The following OR4D10 variants were observed in gnomAD, a reference collection of about 807,000 sequenced individuals.
The protein encoded by OR4D10 is olfactory receptor 4D10.
For synonymous variants in OR4D10, 188 were observed against 153.2 expected (o/e 1.23, Z -1.68); for missense variants, 395 against 378.0 (o/e 1.04, Z -0.37).
intron 2 of OR4D10, among the ~76,000 whole-genome samples, chr11:59,474,892 TA>T (rs1858884636): frequency 1.7e-5 from 1 of 58,142 alleles, no homozygotes; most frequent in Non-Finnish European, 5.5e-5. Flanking sequence ...CCGTCTCTAC[TA>T]AAAATACAAA....
In OR4D10 at chr11:59,477,778, G is replaced by A; in HGVS notation, c.349G>A (p.Val117Met). Residue 117 changes from valine (V) to methionine (M), a missense_variant, in exon 3 of 3, where the codon GTG becomes ATG. By Grantham distance (21) the Val-to-Met change is conservative. Coordinates refer to ENST00000530162, the MANE Select transcript of OR4D10 (RefSeq NM_001004705.2). Reference sequence around the variant, plus strand: ...AGGGGTGGATGTATTTTCTCTTTCGGTGATGGCATTGGATCGATATGTGGC... The same window carrying A: ...AGGGGTGGATGTATTTTCTCTTTCGATGATGGCATTGGATCGATATGTGGC... ...IGGVDVFSLS[V>M]MALDRYVAIS... 1 of 1,613,956 alleles carries A rather than the reference G, an allele frequency of 6.2e-7. No homozygotes were observed. Among genetic ancestry groups the A allele is most frequent in the Non-Finnish European group, 8.5e-7 (1 of 1,180,006 alleles).
Position 59,478,328 on chromosome 11 carries a change from G to A in OR4D10, c.899G>A (p.Arg300Lys), listed in dbSNP as rs373793945. The change falls in exon 3 of 3, where the codon AGA becomes AAA. Residue 300 changes from arginine to lysine, a missense_variant. By Grantham distance (26) the Arg-to-Lys change is conservative. Transcript: ENST00000530162. ...RNHEMKSAMR[R>K]LKRRLVPSDR... ...CATGAGATGAAGTCAGCCATGAGGA[G>A]ACTGAAGAGAAGACTTGTGCCTTCT... is the stretch of plus-strand genomic sequence containing the variant. The A allele has an allele frequency of 8.1e-6, 13 of 1,609,808 alleles. No homozygotes were observed. The highest frequency in any genetic ancestry group is 6.7e-5 in the African/African-American group (5 of 74,808).
At chr11:59,475,667 T>C (rs1858897973) in intron 2 of OR4D10, among the ~76,000 whole-genome samples, 1 of 152,234 alleles carries the variant, frequency 6.6e-6, no homozygotes, top group Admixed American at 6.5e-5. Flanking sequence ...ACAAAATGTG[T>C]GCCGAAGGAC....
Position 59,478,020 on chromosome 11 carries a change from A to G in OR4D10, c.591A>G (p.Leu197=), listed in dbSNP as rs545695654. 5.6e-6 allele frequency: 9 copies of G among 1,614,068 alleles called. No homozygotes were observed. The African/African-American group carries it at 6.7e-5, about 12-fold the overall frequency. The part of the protein sequence containing the change: ...LAHTDIFILE[L]LMISNNGLLT... ...ATACAGACATTTTCATACTTGAACT[A>G]CTAATGATTTCCAACAATGGACTGC... Residue 197 remains leucine, a synonymous_variant, in exon 3 of 3, where the codon CTA becomes CTG. Coordinates refer to ENST00000530162, the MANE Select transcript of OR4D10 (RefSeq NM_001004705.2).
In OR4D10 at chr11:59,477,891, C is replaced by G. The variant is rs1197558490; in HGVS notation, c.462C>G (p.Val154=). The part of the protein sequence containing the change: ...LTVAAWLGGF[V]HSIVQISLLL... ...TGGCTGCCTGGTTGGGGGGCTTTGT[C>G]CACTCCATCGTGCAGATTTCCCTGT... Residue 154 remains valine (V), a synonymous_variant, in exon 3 of 3, where the codon GTC becomes GTG. Coordinates refer to ENST00000530162, the MANE Select transcript of OR4D10 (RefSeq NM_001004705.2). The G allele has an allele frequency of 4.3e-6, 7 of 1,613,938 alleles. No homozygotes were observed. The highest frequency in any genetic ancestry group is 5.1e-6 in the Non-Finnish European group (6 of 1,180,020).
At position 59,477,756 on chromosome 11, in the gene OR4D10, G is replaced by A. The variant is rs753403965; in HGVS notation, c.327G>A (p.Gly109=). The A allele has an allele frequency of 3.1e-6, 5 of 1,614,106 alleles. No individual in the cohort carries two copies. In the South Asian group the frequency reaches 5.5e-5, roughly 18 times the overall value. The change falls in exon 3 of 3, where the codon GGG becomes GGA. Residue 109 remains glycine (G), a synonymous_variant. Transcript: ENST00000530162. ...TQMFLFHLIG[G]VDVFSLSVMA... is the part of the protein sequence containing the mutation. ...TGTTTCTATTCCACCTTATTGGAGG[G>A]GTGGATGTATTTTCTCTTTCGGTGA...
chr11:59,475,337 A>G (rs1346864141), intron 2 of OR4D10, among the ~76,000 whole-genome samples: 1 of 152,076 alleles, frequency 6.6e-6, no homozygotes, highest in Non-Finnish European at 1.5e-5. Context: ...TCTCTGTATA[A>G]GCATGTCATC....
In OR4D10 at chr11:59,475,076, A is replaced by AAAAAAG. The variant is rs58045489; in HGVS notation, c.-169+1283_-169+1284insAAAAAG. Among the ~76,000 whole-genome samples the AAAAAAG allele has an allele frequency of 5.9e-5, 8 of 134,918 alleles. 1 individual carries two copies. Among genetic ancestry groups the AAAAAAG allele is most frequent in the Non-Finnish European group, 8.2e-5 (5 of 61,322 alleles). The allele number at this position is 134,918 out of a possible 152,430, so 88.5% of individuals were successfully genotyped here. On this transcript the variant is annotated intron_variant, in intron 2 of 2. Coordinates refer to ENST00000530162, the MANE Select transcript of OR4D10 (RefSeq NM_001004705.2). ...ACTCTGTCTCAAAAAAAAAAAAAAA[A>AAAAAAG]GGAAAAAGAAAAAAGAAATCAAAGG...
In OR4D10 at chr11:59,477,656, T is replaced by C; in HGVS notation, c.227T>C (p.Ile76Thr). 6.2e-7 allele frequency: 1 copy of C among 1,614,198 alleles called. No individual in the cohort carries two copies. The highest frequency in any genetic ancestry group is 8.5e-7 in the Non-Finnish European group (1 of 1,180,020). Reference protein sequence around the residue: ...LSIADICFSSITVPKVLVDLL... With the variant: ...LSIADICFSSTTVPKVLVDLL... ...ATTGCCGATATCTGCTTCTCTTCCA[T>C]CACAGTGCCCAAGGTTCTGGTGGAC... The change falls in exon 3 of 3, where the codon ATC becomes ACC. Residue 76 changes from isoleucine to threonine, a missense_variant. Transcript: ENST00000530162.
Position 59,478,297 on chromosome 11 carries a change from A to C in OR4D10, c.868A>C (p.Arg290=). Residue 290 remains arginine, a synonymous_variant, in exon 3 of 3, where the codon AGG becomes CGG. Coordinates refer to ENST00000530162, the MANE Select transcript of OR4D10 (RefSeq NM_001004705.2). ...GCTCAACCCCTTGATCTACACTCTG[A>C]GGAACCATGAGATGAAGTCAGCCAT... ...PLLNPLIYTL[R]NHEMKSAMRR... 4 of 1,614,052 alleles carry C rather than the reference A, an allele frequency of 2.5e-6. No individual in the cohort carries two copies. The highest frequency in any genetic ancestry group is 3.4e-6 in the Non-Finnish European group (4 of 1,179,970).
In OR4D10 at chr11:59,477,428, G is replaced by C. The variant is rs1157182475; in HGVS notation, c.-2G>C. The C allele has an allele frequency of 1.9e-6, 3 of 1,549,064 alleles. No homozygotes were observed. Among genetic ancestry groups the C allele is most frequent in the Non-Finnish European group, 2.6e-6 (3 of 1,149,064 alleles). On this transcript the variant is annotated 5_prime_UTR_variant, in exon 3 of 3. It removes the in-frame stop codon of an upstream open reading frame in the 5' UTR. Transcript: ENST00000530162. ...ACCAAAGAGAATAAAGAGGATGATT[G>C]AATGGAGATGGAAAACTGCACCAGG...
At chr11:59,475,134 A>G (rs1858889992) in intron 2 of OR4D10, among the ~76,000 whole-genome samples, 1 of 151,986 alleles carries the variant, frequency 6.6e-6, no homozygotes, top group African/African-American at 2.4e-5. Flanking sequence ...TGAACATTTC[A>G]GGCTTTCCTA....
intron 2 of OR4D10, among the ~76,000 whole-genome samples, chr11:59,475,455 A>C (rs1286406232): frequency 6.6e-6 from 1 of 152,142 alleles, no homozygotes; most frequent in Non-Finnish European, 1.5e-5. Flanking sequence ...TCCTCTAGGA[A>C]GGCTTCCCGC....
rs868507804 is a variant in OR4D10, at chr11:59,477,396, G to C, written c.-34G>C. The C allele has an allele frequency of 1.4e-6, 2 of 1,468,880 alleles. No homozygotes were observed. Among genetic ancestry groups the C allele is most frequent in the Middle Eastern group, 3.6e-4 (2 of 5,502 alleles). 91.0% of individuals were successfully genotyped at this position (1,468,880 alleles called of 1,614,324 possible). On this transcript the variant is annotated 5_prime_UTR_variant, in exon 3 of 3. Transcript: ENST00000530162. Reference sequence around the variant, plus strand: ...TATCCCAGTGCTTTCACATGACATGGTTTAAAACCAAAGAGAATAAAGAGG... The same window carrying C: ...TATCCCAGTGCTTTCACATGACATGCTTTAAAACCAAAGAGAATAAAGAGG...
In OR4D10 at chr11:59,478,674, A is replaced by C. The variant is rs929565347; in HGVS notation, c.*309A>C. On this transcript the variant is annotated 3_prime_UTR_variant, in exon 3 of 3. Coordinates refer to ENST00000530162, the MANE Select transcript of OR4D10 (RefSeq NM_001004705.2). ...GAATATATTTATTTAGTGATTGCTAAGTATTTGTTTTATTTTCATAAGTAA... is the reference window on the plus strand; with the variant it reads ...GAATATATTTATTTAGTGATTGCTACGTATTTGTTTTATTTTCATAAGTAA... 5 of 213,636 alleles carry C rather than the reference A, an allele frequency of 2.3e-5. No homozygotes were observed. In the East Asian group the frequency reaches 5.1e-4, roughly 22 times the overall value. 13.2% of individuals were successfully genotyped at this position (213,636 alleles called of 1,614,324 possible).
Position 59,477,388 on chromosome 11 carries a change from A to G in OR4D10, c.-42A>G. 1 of 1,415,786 alleles carries G rather than the reference A, an allele frequency of 7.1e-7. No homozygotes were observed. The highest frequency in any genetic ancestry group is 9.6e-7 in the Non-Finnish European group (1 of 1,044,656). 87.7% of individuals were successfully genotyped at this position (1,415,786 alleles called of 1,614,324 possible). ...AAAATAAATATCCCAGTGCTTTCAC[A>G]TGACATGGTTTAAAACCAAAGAGAA... On this transcript the variant is annotated 5_prime_UTR_variant, in exon 3 of 3. It removes an upstream start codon present in the reference 5' UTR. Transcript: ENST00000530162.
rs1020127171 is a variant in OR4D10, at chr11:59,477,290, A to G, written c.-140A>G. 1.8e-6 allele frequency: 1 copy of G among 564,042 alleles called. No homozygotes were observed. Among genetic ancestry groups the G allele is most frequent in the Non-Finnish European group, 3.0e-6 (1 of 328,654 alleles). The allele number at this position is 564,042 out of a possible 1,614,324, so 34.9% of individuals were successfully genotyped here. ...AACTGAAATCTGAAAAACGTGAACAATGCAACAAACTGCAAAAACTACAAC... is the reference window on the plus strand; with the variant it reads ...AACTGAAATCTGAAAAACGTGAACAGTGCAACAAACTGCAAAAACTACAAC... On this transcript the variant is annotated 5_prime_UTR_variant, in exon 3 of 3. An upstream start codon of the reference 5' UTR is lost. Transcript: ENST00000530162.
chr11:59,473,866 G>A (rs1858870386), intron 2 of OR4D10, 73 bp downstream of exon 2: 1 of 152,228 alleles, frequency 6.6e-6, no homozygotes, highest in Admixed American at 6.5e-5. Context: ...TTTGGTGTGA[G>A]AGGAGGCATC....
Position 59,478,511 on chromosome 11 carries a change from G to A in OR4D10, c.*146G>A, listed in dbSNP as rs924267596. On this transcript the variant is annotated 3_prime_UTR_variant, in exon 3 of 3. Transcript: ENST00000530162. ...TTTCTATTTATGTTAGTAAGTAACTGATAAGCTTCTGGTCAGGGAGAGATT... is the reference window on the plus strand; with the variant it reads ...TTTCTATTTATGTTAGTAAGTAACTAATAAGCTTCTGGTCAGGGAGAGATT... 1.8e-6 allele frequency: 1 copy of A among 563,588 alleles called. No homozygotes were observed. 34.9% of individuals were successfully genotyped at this position (563,588 alleles called of 1,614,324 possible). A position where few individuals can be genotyped will look rare whatever the true frequency, so the allele number is the denominator to read the frequency against.
Sources: gnomAD v4.1 joint callset for allele counts (sites outside exome capture counted in the v4.1 genomes callset) on GRCh38, gnomAD v4.1.1 for gene constraint, MANE v1.5 for transcripts, NCBI Gene and HGNC (gene_info 2026-07-23, HGNC 2026-07-21) for gene names.